The following BEND4 variants were observed in gnomAD, a reference collection of about 807,000 sequenced individuals.
BEND4 encodes the protein BEN domain-containing protein 4.
BEND4 carries 27 observed loss-of-function variants against 54.7 expected under a neutral mutation model. The ratio of observed to expected loss-of-function variants is 0.49; its 90% CI spans 0.36 to 0.68. The LOEUF (loss-of-function observed/expected upper bound fraction) is 0.68, where lower values mean the gene tolerates loss of function less well. BEND4 is among the 30% of genes least tolerant of loss of function. BEND4 has a pLI of 0.00. For synonymous variants in BEND4, 327 were observed against 299.5 expected, an observed-to-expected ratio of 1.09 and a Z score of -0.95; for missense variants, 702 against 697.2, an observed-to-expected ratio of 1.01 and a Z score of -0.08.
chr4:42,144,120 A>G (rs1245693726), intron 2 of BEND4, 126 bp from the exon 3 acceptor site: 1 of 744,412 alleles, frequency 1.3e-6, no homozygotes, highest in Middle Eastern at 2.6e-4. Context: ...GTCATAAACC[A>G]AGATGACACA....
intron 3 of BEND4, among the ~76,000 whole-genome samples, chr4:42,138,675 C>A (rs1318281998): frequency 1.3e-5 from 2 of 152,200 alleles, no homozygotes; most frequent in East Asian, 3.8e-4. Context: ...CCTCTAACTT[C>A]ATTTTGTATA....
chr4:42,117,296 G>A lies in BEND4; in HGVS notation c.*222C>T. 2.2e-6 allele frequency: 1 copy of A among 458,762 alleles called. No homozygotes were observed. Among genetic ancestry groups the A allele is most frequent in the Non-Finnish European group, 3.8e-6 (1 of 262,594 alleles). The allele number at this position is 458,762 out of a possible 1,614,324, so 28.4% of individuals were successfully genotyped here. A position where few individuals can be genotyped will look rare whatever the true frequency, so the allele number is the denominator to read the frequency against. ...GCTAGTAATCATTTAAAAATCAGAT[G>A]TAGTTTTTTCTTTTTATAATATAAT... On this transcript the variant is annotated 3_prime_UTR_variant, in exon 6 of 6. Transcript: ENST00000502486.
At chr4:42,131,060 C>T (rs1720489590) in intron 3 of BEND4, among the ~76,000 whole-genome samples, 1 of 151,952 alleles carries the variant, frequency 6.6e-6, no homozygotes, top group Non-Finnish European at 1.5e-5. Flanking sequence ...ACACTGGGGC[C>T]TATTGGGGAG....
At chr4:42,121,609 G>A (rs746631765) in intron 4 of BEND4, among the ~76,000 whole-genome samples, 2 of 152,222 alleles carry the variant, frequency 1.3e-5, no homozygotes, top group Non-Finnish European at 2.9e-5. Context: ...GGGAGCATGA[G>A]CCAAGCCTTG....
At chr4:42,142,984 A>C (rs1265238447) in intron 3 of BEND4, among the ~76,000 whole-genome samples, 5 of 152,258 alleles carry the variant, frequency 3.3e-5, no homozygotes, top group African/African-American at 1.2e-4. Flanking sequence ...TTTAATTTCT[A>C]TCATTGACTA....
intron 3 of BEND4, among the ~76,000 whole-genome samples, chr4:42,134,667 G>C (rs975436903): frequency 6.6e-6 from 1 of 152,200 alleles, no homozygotes; most frequent in African/African-American, 2.4e-5. Context: ...CCACGGTAAC[G>C]ATAACAGAAT....
At chr4:42,142,651 A>G (rs2153147129) in intron 3 of BEND4, among the ~76,000 whole-genome samples, 1 of 151,490 alleles carries the variant, frequency 6.6e-6, no homozygotes, top group Non-Finnish European at 1.5e-5. Context: ...AAAAAAAAAA[A>G]AAGTAAAATC....
At chr4:42,146,413 G>C (rs1004110661) in intron 2 of BEND4, among the ~76,000 whole-genome samples, 1 of 152,238 alleles carries the variant, frequency 6.6e-6, no homozygotes, top group Non-Finnish European at 1.5e-5. Context: ...CAATTTGTTA[G>C]CTTGATTTAT....
At position 42,110,888 on chromosome 4, in the gene BEND4, G is replaced by C. The variant is rs1035724370; in HGVS notation, c.*6630C>G. ...GAAAAGTTATGTATTCAAAGAAACAGAAAAGTATTTACAATGAATTAGAAA... is the reference window on the plus strand; with the variant it reads ...GAAAAGTTATGTATTCAAAGAAACACAAAAGTATTTACAATGAATTAGAAA... On this transcript the variant is annotated 3_prime_UTR_variant, in exon 6 of 6. Coordinates refer to ENST00000502486, the MANE Select transcript of BEND4 (RefSeq NM_207406.4). 1.3e-5 allele frequency: 2 copies of C among 152,124 alleles called. No individual in the cohort carries two copies. The highest frequency in any genetic ancestry group is 2.9e-5 in the Non-Finnish European group (2 of 68,010). The allele number at this position is 152,124 out of a possible 1,614,324, so 9.4% of individuals were successfully genotyped here.
Position 42,112,182 on chromosome 4 carries a change from GC to G in BEND4, c.*5335del, listed in dbSNP as rs1009877916. ...CTGAACTCGTCATTCTGCTTCCTATGCCCAAAGCAATCCTCTTCTTAGCTGA... is the reference window on the plus strand; with the variant it reads ...CTGAACTCGTCATTCTGCTTCCTATGCCAAAGCAATCCTCTTCTTAGCTGA... On this transcript the variant is annotated 3_prime_UTR_variant, in exon 6 of 6. Transcript: ENST00000502486. 1 of 152,140 alleles carries G rather than the reference GC, an allele frequency of 6.6e-6. No homozygotes were observed. Among genetic ancestry groups the G allele is most frequent in the African/African-American group, 2.4e-5 (1 of 41,432 alleles). The allele number at this position is 152,140 out of a possible 1,614,324, so 9.4% of individuals were successfully genotyped here. A position where few individuals can be genotyped will look rare whatever the true frequency, so the allele number is the denominator to read the frequency against.
chr4:42,128,891 G>A (rs1343290523), intron 3 of BEND4, among the ~76,000 whole-genome samples: 1 of 152,086 alleles, frequency 6.6e-6, no homozygotes, highest in Non-Finnish European at 1.5e-5. Flanking sequence ...AGCCGAGACT[G>A]TGCCACCGCA....
At chr4:42,130,764 G>A (rs990976433) in intron 3 of BEND4, among the ~76,000 whole-genome samples, 1 of 152,194 alleles carries the variant, frequency 6.6e-6, no homozygotes, top group Non-Finnish European at 1.5e-5. Context: ...ACATGCACGT[G>A]TATGTTCACT....
intron 2 of BEND4, among the ~76,000 whole-genome samples, chr4:42,145,271 C>G (rs746703739): frequency 6.6e-6 from 1 of 152,222 alleles, no homozygotes; most frequent in Non-Finnish European, 1.5e-5. Context: ...GGAAACCACA[C>G]TACAGGAGAA....
rs535841233 is a variant in BEND4 at position 42,112,711 on chromosome 4, G to C, written c.*4807C>G. On this transcript the variant is annotated 3_prime_UTR_variant, in exon 6 of 6. Transcript: ENST00000502486. ...AACCTGCAACTGAACATATTGTGGC[G>C]TGTGAAAGTGGTCTCTAATGTGTAC... 1 of 152,138 alleles carries C rather than the reference G, an allele frequency of 6.6e-6. No homozygotes were observed. The highest frequency in any genetic ancestry group is 2.1e-4 in the South Asian group (1 of 4,822). 9.4% of individuals were successfully genotyped at this position (152,138 alleles called of 1,614,324 possible).
At chr4:42,142,237 G>T (rs377156739) in intron 3 of BEND4, among the ~76,000 whole-genome samples, 1 of 151,200 alleles carries the variant, frequency 6.6e-6, no homozygotes, top group Admixed American at 6.6e-5. Flanking sequence ...CAATGACCAC[G>T]CAATTAAAAA....
At chr4:42,145,027 T>A (rs1721027359) in intron 2 of BEND4, among the ~76,000 whole-genome samples, 3 of 152,154 alleles carry the variant, frequency 2.0e-5, no homozygotes, top group South Asian at 4.1e-4. Context: ...TTTCCCAGAA[T>A]AATGGCAATA....
chr4:42,151,606 C>T, intron 2 of BEND4, 51 bp downstream of exon 2: 1 of 1,422,556 alleles, frequency 7.0e-7, no homozygotes, highest in Non-Finnish European at 9.1e-7. Flanking sequence ...TGGGTCCCCT[C>T]CCGCTGCCCC....
chr4:42,121,578 G>A (rs1029888354), intron 4 of BEND4, among the ~76,000 whole-genome samples: 1 of 152,214 alleles, frequency 6.6e-6, no homozygotes, highest in Non-Finnish European at 1.5e-5. Flanking sequence ...GAATTATCAT[G>A]AGTACAAGAT....
chr4:42,119,836 G>A (rs147173139), intron 5 of BEND4: 5 of 549,594 alleles, frequency 9.1e-6, no homozygotes, highest in East Asian at 6.5e-5. Context: ...GGTGCTATGC[G>A]ATGCTTATGT....
Sources: gnomAD v4.1 joint callset for allele counts (sites outside exome capture counted in the v4.1 genomes callset) on GRCh38, gnomAD v4.1.1 for gene constraint, MANE v1.5 for transcripts, NCBI Gene and HGNC (gene_info 2026-07-23, HGNC 2026-07-21) for gene names.